PAX5: variants seen among roughly 807,000 people sequenced by gnomAD.
The protein encoded by PAX5 is paired box protein Pax-5.
Under a neutral mutation model 43.7 loss-of-function variants are expected in PAX5, and 9 were observed. That is an observed-to-expected ratio of 0.21 (90% confidence interval 0.12 to 0.36). The LOEUF (loss-of-function observed/expected upper bound fraction) is 0.36, where lower values mean the gene tolerates loss of function less well. PAX5 is among the 10% of genes least tolerant of loss of function. The pLI, the probability that PAX5 is intolerant of heterozygous loss-of-function variation, is 1.00. For missense variants in PAX5, 383 were observed against 532.7 expected, an observed-to-expected ratio of 0.72 and a Z score of 2.77; for synonymous variants, 228 against 214.3, an observed-to-expected ratio of 1.06 and a Z score of -0.56.
In PAX5 at chr9:36,882,130, C is replaced by A. The variant is rs559470837; in HGVS notation, c.911-25G>T. 3.2e-6 allele frequency: 5 copies of A among 1,546,516 alleles called. No individual in the cohort carries two copies. The highest frequency in any genetic ancestry group is 4.4e-6 in the Non-Finnish European group (5 of 1,136,794). On this transcript the variant is annotated intron_variant, in intron 7 of 9. Coordinates refer to ENST00000358127, the MANE Select transcript of PAX5 (RefSeq NM_016734.3). The surrounding 1 kb of genome is among the most constrained non-coding windows in gnomAD (Gnocchi z 4.4). ...CCTGAGGAATCAAAGCAACAAATCA[C>A]AGGGTGAGCATCTTCGCGGCCAGCC... is the stretch of plus-strand genomic sequence containing the variant.
intron 6 of PAX5, among the ~76,000 whole-genome samples, chr9:36,962,517 C>T (rs1337015332): frequency 6.6e-6 from 1 of 152,152 alleles, no homozygotes; most frequent in African/African-American, 2.4e-5. Context: ...TGGATGTGAA[C>T]GGTCTTTGTG....
At chr9:36,998,909 T>C (rs1440178031) in intron 5 of PAX5, among the ~76,000 whole-genome samples, 1 of 152,234 alleles carries the variant, frequency 6.6e-6, no homozygotes, top group African/African-American at 2.4e-5. Context: ...AAATAAAATA[T>C]ATTATTAAAA....
At position 36,834,132 on chromosome 9, in the gene PAX5, C is replaced by T. The variant is rs1474573955; in HGVS notation, c.*6428G>A. 3 of 233,186 alleles carry T rather than the reference C, an allele frequency of 1.3e-5. No individual in the cohort carries two copies. Among genetic ancestry groups the T allele is most frequent in the Non-Finnish European group, 2.5e-5 (3 of 118,068 alleles). The allele number at this position is 233,186 out of a possible 1,614,324, so 14.4% of individuals were successfully genotyped here. On this transcript the variant is annotated 3_prime_UTR_variant, in exon 10 of 10. Coordinates refer to ENST00000358127, the MANE Select transcript of PAX5 (RefSeq NM_016734.3). ...GTCTTCCAGCAGGAGTCAGGGCAAA[C>T]CCAGAGCCAAAACTCCATCCTCAGC...
At chr9:36,995,398 A>T (rs1455932947) in intron 5 of PAX5, among the ~76,000 whole-genome samples, 1 of 152,142 alleles carries the variant, frequency 6.6e-6, no homozygotes, top group African/African-American at 2.4e-5. Flanking sequence ...GAGGCACAGG[A>T]GGAATGAGCA....
At chr9:36,842,149 T>C (rs1822118626) in intron 9 of PAX5, among the ~76,000 whole-genome samples, 1 of 152,190 alleles carries the variant, frequency 6.6e-6, no homozygotes, top group African/African-American at 2.4e-5. Flanking sequence ...TGGGTTTTCT[T>C]CTGCCGCCTC....
intron 6 of PAX5, among the ~76,000 whole-genome samples, chr9:36,961,425 C>G (rs2132162106): frequency 6.6e-6 from 1 of 152,344 alleles, no homozygotes; most frequent in South Asian, 2.1e-4. Flanking sequence ...GGAGGGAGGG[C>G]CCTGGCCCGT....
At chr9:36,856,529 G>C (rs79054368) in intron 8 of PAX5, 1 of 151,976 alleles carries the variant, frequency 6.6e-6, no homozygotes, top group African/African-American at 2.4e-5. Context: ...ACAAATTTTC[G>C]TCTTTCTTTT....
Position 36,899,123 on chromosome 9 carries a change from C to T in PAX5, c.911-17018G>A, listed in dbSNP as rs1828141448. Among the ~76,000 whole-genome samples the T allele has an allele frequency of 1.3e-5, 2 of 152,210 alleles. 1 individual carries two copies. Among genetic ancestry groups the T allele is most frequent in the South Asian group, 4.1e-4 (2 of 4,830 alleles). On this transcript the variant is annotated intron_variant, in intron 7 of 9. Transcript: ENST00000358127. ...ACCACAGCCCTAAATGGCTTGCTTT[C>T]CCCCAACTCGCCTCCATGCCTTAGC... is the stretch of plus-strand genomic sequence containing the variant.
chr9:36,856,222 C>G (rs534557690), intron 8 of PAX5, among the ~76,000 whole-genome samples: 22 of 152,338 alleles, frequency 1.4e-4, no homozygotes, highest in Admixed American at 7.2e-4. Context: ...AGAGTCAGAA[C>G]AGAAAAGGTC....
At chr9:37,032,381 C>T (rs1026751066) in intron 1 of PAX5, among the ~76,000 whole-genome samples, 3 of 152,170 alleles carry the variant, frequency 2.0e-5, no homozygotes, top group Non-Finnish European at 4.4e-5. Context: ...ACACCCACTT[C>T]CAGGCTCAGG....
intron 8 of PAX5, among the ~76,000 whole-genome samples, chr9:36,860,164 C>G (rs570061320): frequency 4.6e-5 from 7 of 151,866 alleles, no homozygotes; most frequent in Non-Finnish European, 8.8e-5. Flanking sequence ...TGGTGAAATC[C>G]TATCTCTACT....
intron 8 of PAX5, among the ~76,000 whole-genome samples, chr9:36,876,359 C>T (rs1324486377): frequency 2.0e-5 from 3 of 152,360 alleles, no homozygotes; most frequent in African/African-American, 7.2e-5. Context: ...CCCAGGCCCA[C>T]AGGGACCCCA....
intron 7 of PAX5, among the ~76,000 whole-genome samples, chr9:36,897,511 C>T (rs1184679576): frequency 6.6e-6 from 1 of 151,474 alleles, no homozygotes; most frequent in African/African-American, 2.4e-5. Context: ...CATACACACA[C>T]AAGCAAGAAA....
In PAX5 at chr9:36,921,405, G is replaced by A. The variant is rs143088966; in HGVS notation, c.910+1950C>T. ...ACGGAGGCTCAGAGATGTGTCCAGA[G>A]TCAGACGGCAAGGCAGTGACCTTGC... On this transcript the variant is annotated intron_variant, in intron 7 of 9. Transcript: ENST00000358127. Among the ~76,000 whole-genome samples the A allele has an allele frequency of 1.9e-3, 283 of 152,334 alleles. 3 individuals are homozygous for A. The highest frequency in any genetic ancestry group is 4.0e-3 in the African/African-American group (168 of 41,568).
chr9:36,935,501 C>G (rs1299647397), intron 6 of PAX5, among the ~76,000 whole-genome samples: 1 of 152,252 alleles, frequency 6.6e-6, no homozygotes, highest in Non-Finnish European at 1.5e-5. Flanking sequence ...CCAGGCCCCC[C>G]TCAGGCACAC....
In PAX5 at chr9:37,015,583, CT is replaced by C. The variant is rs201678330; in HGVS notation, c.213-390del. On this transcript the variant is annotated intron_variant, in intron 2 of 9. Transcript: ENST00000358127. This position sits in a 1 kb window ranked among gnomAD's most constrained non-coding sequence, Gnocchi z 4.4. Reference sequence around the variant, plus strand: ...TGCATACACAGCTCTCATAGTATTTCTTTTTTTTTTTTTCAGACGGAGTTTC... The same window carrying C: ...TGCATACACAGCTCTCATAGTATTTCTTTTTTTTTTTTCAGACGGAGTTTC... 0.013 allele frequency among the ~76,000 whole-genome samples: 1,834 copies of C among 141,036 alleles called. 24 individuals carry two copies. The highest frequency in any genetic ancestry group is 0.033 in the African/African-American group (1,291 of 38,692). The allele number at this position is 141,036 out of a possible 152,430, so 92.5% of individuals were successfully genotyped here.
intron 6 of PAX5, among the ~76,000 whole-genome samples, chr9:36,944,767 G>C (rs1832353739): frequency 6.6e-6 from 1 of 152,208 alleles, no homozygotes. Flanking sequence ...ACTCTAAGGG[G>C]ACCACACTGG....
rs141952291 is a variant in PAX5 at position 36,961,384 on chromosome 9, C to T, written c.780+5165G>A. On this transcript the variant is annotated intron_variant, in intron 6 of 9. Coordinates refer to ENST00000358127, the MANE Select transcript of PAX5 (RefSeq NM_016734.3). ...TGGGAGGTCAGCAGCACATCCCCTT[C>T]CCCAGCTGTCTCTCTGTCTCTGGCC... Among the ~76,000 whole-genome samples, 539 of 152,362 alleles carry T rather than the reference C, an allele frequency of 3.5e-3. 2 individuals are homozygous for T. Among genetic ancestry groups the T allele is most frequent in the African/African-American group, 0.012 (516 of 41,582 alleles).
At chr9:36,891,893 C>T (rs1191763518) in intron 7 of PAX5, among the ~76,000 whole-genome samples, 1 of 152,180 alleles carries the variant, frequency 6.6e-6, no homozygotes, top group African/African-American at 2.4e-5. Context: ...GTTTACTTTG[C>T]TAACCCTCCT....
Sources: allele counts gnomAD v4.1 joint callset (sites outside exome capture counted in the v4.1 genomes callset), GRCh38; gene constraint gnomAD v4.1.1; non-coding constraint Gnocchi (gnomAD v3.1); transcripts MANE v1.5; gene names NCBI Gene and HGNC (gene_info 2026-07-23, HGNC 2026-07-21).